Variants in USP38 observed in about 807,000 individuals in gnomAD.
USP38 encodes ubiquitin specific peptidase 38.
USP38 carries 49 observed loss-of-function variants against 94.3 expected under a neutral mutation model. That is an observed-to-expected ratio of 0.52 (90% CI 0.41 to 0.66). The LOEUF is 0.66. USP38 is among the 30% of genes least tolerant of loss of function. USP38 has a pLI of 0.00. For synonymous variants in USP38, 468 were observed against 463.6 expected (o/e 1.01, Z -0.12); for missense variants, 1,128 against 1,229.4 (o/e 0.92, Z 1.23).
chr4:143,194,929 A>C (rs887403456), intron 2 of USP38, among the ~76,000 whole-genome samples: 2 of 151,270 alleles, frequency 1.3e-5, no homozygotes, highest in Non-Finnish European at 2.9e-5. Context: ...GGGTAATTTA[A>C]TGAGTTTTCT....
At chr4:143,206,644 C>G (rs190150067) in intron 6 of USP38, among the ~76,000 whole-genome samples, 2 of 152,098 alleles carry the variant, frequency 1.3e-5, no homozygotes, top group Non-Finnish European at 2.9e-5. Context: ...GAGCCAAGAT[C>G]GTGCTGTTGC....
chr4:143,195,417 C>T lies in USP38; in HGVS notation c.819-299C>T, dbSNP rs145898553. Among the ~76,000 whole-genome samples the T allele has an allele frequency of 2.4e-4, 37 of 152,298 alleles. No homozygotes were observed. The East Asian group carries it at 6.0e-3, about 25-fold the overall frequency. ...TTCCAGACATTTCAAATAAGGAATACTCAACCTGTGCCACTATATAGCATA... is the reference window on the plus strand; with the variant it reads ...TTCCAGACATTTCAAATAAGGAATATTCAACCTGTGCCACTATATAGCATA... On this transcript the variant is annotated intron_variant, in intron 2 of 9. Coordinates refer to ENST00000307017, the MANE Select transcript of USP38 (RefSeq NM_032557.6).
intron 2 of USP38, among the ~76,000 whole-genome samples, chr4:143,192,107 C>G (rs1433579828): frequency 2.6e-5 from 4 of 152,198 alleles, no homozygotes; most frequent in African/African-American, 9.6e-5. Flanking sequence ...CCTAACTTTT[C>G]TTTCCTTTTT....
rs376757488 is a variant in USP38, at chr4:143,214,422, C to T, written c.2446C>T (p.Leu816Phe). The change falls in exon 9 of 10, where the codon CTT becomes TTT. Residue 816 changes from leucine (L) to phenylalanine (F), a missense_variant. Transcript: ENST00000307017. The part of the protein sequence containing the change: ...SWSVDVDFTD[L>F]SENLAKKLKP... The stretch of plus-strand genomic sequence containing the variant: ...GTCTGTAGATGTTGACTTCACTGAT[C>T]TTAGTGAGAACCTTGCTAAAAAATT... The T allele has an allele frequency of 4.3e-6, 7 of 1,613,664 alleles. No homozygotes were observed. Among genetic ancestry groups the T allele is most frequent in the Middle Eastern group, 1.6e-4 (1 of 6,076 alleles).
Position 143,201,182 on chromosome 4 carries a change from G to A in USP38, c.1051-2226G>A, listed in dbSNP as rs770929796. On this transcript the variant is annotated intron_variant, in intron 4 of 9. Coordinates refer to ENST00000307017, the MANE Select transcript of USP38 (RefSeq NM_032557.6). ...CAGCGTGGTACTGGTACAAAAACAG[G>A]CACATAGACTAATGGAACAGAATAG... Among the ~76,000 whole-genome samples the A allele has an allele frequency of 5.9e-5, 9 of 152,170 alleles. No homozygotes were observed. The South Asian group carries it at 1.0e-3, about 18-fold the overall frequency.
chr4:143,219,281 T>C (rs1732262805), intron 9 of USP38, among the ~76,000 whole-genome samples: 1 of 152,050 alleles, frequency 6.6e-6, no homozygotes, highest in African/African-American at 2.4e-5. Context: ...AAAAATAAAG[T>C]ATCTATAATA....
chr4:143,208,129 A>G lies in USP38; in HGVS notation c.1404-1435A>G, dbSNP rs773842282. Among the ~76,000 whole-genome samples the G allele has an allele frequency of 1.4e-4, 21 of 152,228 alleles. No homozygotes were observed. The Middle Eastern group carries it at 0.014, about 99-fold the overall frequency. On this transcript the variant is annotated intron_variant, in intron 6 of 9. Transcript: ENST00000307017. The stretch of plus-strand genomic sequence containing the variant: ...TCTTTTCCAGCCACTTGCTTTTATC[A>G]TTTAATAATTTGTATTCGAAATATT...
intron 8 of USP38, 131 bp from the exon 9 acceptor site, chr4:143,213,450 A>T: frequency 9.3e-7 from 1 of 1,077,540 alleles, no homozygotes; most frequent in East Asian, 2.8e-5. Flanking sequence ...TCTTTTAATT[A>T]AAACAGGAAA....
chr4:143,188,031 G>A, intron 2 of USP38, 70 bp downstream of exon 2: 1 of 1,456,492 alleles, frequency 6.9e-7, no homozygotes, highest in Non-Finnish European at 9.1e-7. Context: ...TATTTTGTGA[G>A]TAATGAAAAA....
chr4:143,205,921 A>G, intron 5 of USP38, 112 bp from the exon 6 acceptor site: 1 of 796,256 alleles, frequency 1.3e-6, no homozygotes. Flanking sequence ...AAGTGGGGGA[A>G]AAGAAAGTTC....
Position 143,220,705 on chromosome 4 carries a change from A to G in USP38, c.*249A>G, listed in dbSNP as rs747149387. 8 of 299,556 alleles carry G rather than the reference A, an allele frequency of 2.7e-5. No homozygotes were observed. Among genetic ancestry groups the G allele is most frequent in the Admixed American group, 5.1e-5 (1 of 19,616 alleles). 18.6% of individuals were successfully genotyped at this position (299,556 alleles called of 1,614,324 possible). On this transcript the variant is annotated 3_prime_UTR_variant, in exon 10 of 10. Coordinates refer to ENST00000307017, the MANE Select transcript of USP38 (RefSeq NM_032557.6). ...ATGCTTGACCAAAAATGTTCAGAAGAAAATATGTACCTGGTCCCTAATTAA... is the reference window on the plus strand; with the variant it reads ...ATGCTTGACCAAAAATGTTCAGAAGGAAATATGTACCTGGTCCCTAATTAA...
At position 143,185,620 on chromosome 4, in the gene USP38, A is replaced by G; in HGVS notation, c.170A>G (p.Gln57Arg). 6.2e-7 allele frequency: 1 copy of G among 1,614,128 alleles called. No homozygotes were observed. The highest frequency in any genetic ancestry group is 8.5e-7 in the Non-Finnish European group (1 of 1,180,004). Reference protein sequence around the residue: ...RLILEGQDPFQRQVGHQVLEA... With the variant: ...RLILEGQDPFRRQVGHQVLEA... Reference sequence around the variant, plus strand: ...ATCCTGGAGGGCCAGGACCCTTTCCAGCGGCAGGTGGGGCACCAGGTGCTG... The same window carrying G: ...ATCCTGGAGGGCCAGGACCCTTTCCGGCGGCAGGTGGGGCACCAGGTGCTG... The change falls in exon 1 of 10, where the codon CAG (glutamine) becomes CGG (arginine). Residue 57 changes from glutamine (Q) to arginine (R), a missense_variant. Transcript: ENST00000307017.
At position 143,220,319 on chromosome 4, in the gene USP38, C is replaced by T. The variant is rs755412624; in HGVS notation, c.2992C>T (p.Arg998Trp). ...LQEQELNARA[R>W]ALQAASASCS... is the part of the protein sequence containing the mutation. ...GGAACAAGAGTTGAATGCTCGAGCC[C>T]GGGCCCTCCAAGCTGCATCTGCTTC... is the stretch of plus-strand genomic sequence containing the variant. Residue 998 changes from arginine (R) to tryptophan (W), a missense_variant, in exon 10 of 10, where the codon CGG (arginine) becomes TGG (tryptophan). Arg to Trp is a moderately radical substitution (Grantham distance 101). Transcript: ENST00000307017. The T allele has an allele frequency of 1.8e-5, 29 of 1,611,868 alleles. No homozygotes were observed. The highest frequency in any genetic ancestry group is 5.5e-5 in the South Asian group (5 of 90,904).
Position 143,214,710 on chromosome 4 carries a change from G to A in USP38, c.2734G>A (p.Glu912Lys), listed in dbSNP as rs1400802465. 1.9e-6 allele frequency: 3 copies of A among 1,613,640 alleles called. No individual in the cohort carries two copies. The highest frequency in any genetic ancestry group is 2.5e-6 in the Non-Finnish European group (3 of 1,179,832). The change falls in exon 9 of 10, where the codon GAA becomes AAA. Residue 912 changes from glutamate (E) to lysine (K), a missense_variant. Glu to Lys is a moderately conservative substitution (Grantham distance 56, BLOSUM62 1). Coordinates refer to ENST00000307017, the MANE Select transcript of USP38 (RefSeq NM_032557.6). ...QDLENKEMSK[E>K]WFLFNDSRVT... is the part of the protein sequence containing the mutation. ...TTTGGAAAATAAGGAAATGTCAAAA[G>A]AATGGTTTTTATTTAATGACAGTAG...
intron 4 of USP38, 25 bp from the exon 5 acceptor site, chr4:143,203,383 A>G: frequency 6.3e-7 from 1 of 1,596,446 alleles, no homozygotes. Context: ...TAAATTCAGC[A>G]TTGTTTATCC....
rs147101475 is a variant in USP38, at chr4:143,222,206, A to G, written c.*1750A>G. ...CAATTATACTTGTGCAGCTTTATCT[A>G]TGAATATCAGGTCTCTCAAGGATTT... On this transcript the variant is annotated 3_prime_UTR_variant, in exon 10 of 10. Transcript: ENST00000307017. 6 of 152,204 alleles carry G rather than the reference A, an allele frequency of 3.9e-5. No homozygotes were observed. In the East Asian group the frequency reaches 7.7e-4, roughly 20 times the overall value. 9.4% of individuals were successfully genotyped at this position (152,204 alleles called of 1,614,324 possible).
chr4:143,216,959 G>A (rs1732201826), intron 9 of USP38, among the ~76,000 whole-genome samples: 1 of 152,032 alleles, frequency 6.6e-6, no homozygotes, highest in Non-Finnish European at 1.5e-5. Context: ...ACAGGCATAC[G>A]CCAACGTGCC....
intron 9 of USP38, among the ~76,000 whole-genome samples, chr4:143,218,522 C>T (rs1328284527): frequency 6.6e-6 from 1 of 151,972 alleles, no homozygotes; most frequent in Non-Finnish European, 1.5e-5. Flanking sequence ...TTTTTTCTGT[C>T]AGCCATATAT....
At position 143,197,930 on chromosome 4, in the gene USP38, T is replaced by A; in HGVS notation, c.1050+6T>A. 1 of 1,596,312 alleles carries A rather than the reference T, an allele frequency of 6.3e-7. No homozygotes were observed. The highest frequency in any genetic ancestry group is 2.2e-5 in the East Asian group (1 of 44,682). ...CTCCAGAGGCGTTCCATTTGGTAAGTTATGACATAAACGTTCTACTTTGAA... is the reference window on the plus strand; with the variant it reads ...CTCCAGAGGCGTTCCATTTGGTAAGATATGACATAAACGTTCTACTTTGAA... On this transcript the variant is annotated splice_donor_region_variant and intron_variant, in intron 4 of 9. Transcript: ENST00000307017.
Sources: gnomAD v4.1 joint callset for allele counts (sites outside exome capture counted in the v4.1 genomes callset) on GRCh38, gnomAD v4.1.1 for gene constraint, MANE v1.5 for transcripts, NCBI Gene and HGNC (gene_info 2026-07-23, HGNC 2026-07-21) for gene names.